The following NRXN3 variants were observed in gnomAD, a reference collection of about 807,000 sequenced individuals.
NRXN3 encodes the protein neurexin III.
A neutral mutation model predicts 137.6 loss-of-function variants in NRXN3; 32 were observed. The observed-to-expected ratio is 0.23, with a 90% CI of 0.18 to 0.31. NRXN3 has a LOEUF of 0.31. NRXN3 is among the 10% of genes least tolerant of loss of function. The pLI is 1.00. For synonymous variants in NRXN3, 798 were observed against 784.5 expected, an observed-to-expected ratio of 1.02 and a Z score of -0.29; for missense variants, 1,574 against 2,062.5, an observed-to-expected ratio of 0.76 and a Z score of 4.59.
chr14:79,203,819 G>A (rs1475369513), intron 15 of NRXN3, among the ~76,000 whole-genome samples: 1 of 152,144 alleles, frequency 6.6e-6, no homozygotes, highest in East Asian at 1.9e-4. Context: ...CAGATAGTAG[G>A]TGCTTAATTA....
intron 16 of NRXN3, among the ~76,000 whole-genome samples, chr14:79,588,342 A>G (rs1030126): frequency 0.13 from 19,556 of 152,234 alleles, 1,422 homozygotes; most frequent in South Asian, 0.23. Context: ...TTGTTTATGC[A>G]TAACTGGTCC....
At chr14:79,479,294 T>C (rs1255572514) in intron 16 of NRXN3, among the ~76,000 whole-genome samples, 2 of 152,120 alleles carry the variant, frequency 1.3e-5, no homozygotes, top group Non-Finnish European at 2.9e-5. Context: ...GTCCAGGCAG[T>C]ATGTTAGCCA....
chr14:79,703,453 T>A (rs2098763345), intron 19 of NRXN3, among the ~76,000 whole-genome samples: 1 of 152,030 alleles, frequency 6.6e-6, no homozygotes, highest in African/African-American at 2.4e-5. Flanking sequence ...GACTCCAGGT[T>A]TTTCCAGTTG....
chr14:78,993,230 G>A (rs1410109565), intron 15 of NRXN3, among the ~76,000 whole-genome samples: 1 of 152,010 alleles, frequency 6.6e-6, no homozygotes, highest in Non-Finnish European at 1.5e-5. Flanking sequence ...ATGTAGGTTG[G>A]TGTATTGATT....
intron 19 of NRXN3, among the ~76,000 whole-genome samples, chr14:79,768,520 C>T (rs1486211747): frequency 2.6e-5 from 4 of 152,268 alleles, no homozygotes; most frequent in African/African-American, 7.2e-5. Context: ...CAGACTGACA[C>T]CTCACATGGC....
intron 8 of NRXN3, among the ~76,000 whole-genome samples, chr14:78,773,675 C>T (rs1484886746): frequency 6.6e-6 from 1 of 152,052 alleles, no homozygotes; most frequent in Non-Finnish European, 1.5e-5. Flanking sequence ...AATTATTGCT[C>T]GACACCCTTC....
At chr14:78,238,645 A>G (rs2066666709) in intron 1 of NRXN3, among the ~76,000 whole-genome samples, 1 of 152,272 alleles carries the variant, frequency 6.6e-6, no homozygotes, top group Admixed American at 6.5e-5. Flanking sequence ...GTAGGAAAGA[A>G]TGTGGATAGA....
intron 15 of NRXN3, among the ~76,000 whole-genome samples, chr14:79,399,920 T>C (rs777696090): frequency 3.5e-4 from 53 of 152,262 alleles, no homozygotes; most frequent in Middle Eastern, 3.4e-3. Flanking sequence ...TTCTGGGCTT[T>C]CCTTGGCTTT....
intron 17 of NRXN3, among the ~76,000 whole-genome samples, chr14:79,670,000 C>T (rs561181013): frequency 1.2e-4 from 18 of 152,112 alleles, no homozygotes; most frequent in African/African-American, 3.1e-4. Context: ...ATGTGGTAGC[C>T]GCCAACCATA....
rs547087596 is a variant in NRXN3 at position 79,784,433 on chromosome 14, C to T, written c.4015-20679C>T. ...TTTTTGCATGTCTTCTTTATTTTTTCCTCCAAAGATTAAGATTGTATTTTA... is the reference window on the plus strand; with the variant it reads ...TTTTTGCATGTCTTCTTTATTTTTTTCTCCAAAGATTAAGATTGTATTTTA... On this transcript the variant is annotated intron_variant, in intron 19 of 20. Coordinates refer to ENST00000335750, the MANE Select transcript of NRXN3 (RefSeq NM_001330195.2). Among the ~76,000 whole-genome samples the T allele has an allele frequency of 7.2e-5, 11 of 152,112 alleles. 1 individual carries two copies. The South Asian group carries it at 2.3e-3, about 32-fold the overall frequency.
intron 15 of NRXN3, among the ~76,000 whole-genome samples, chr14:79,303,054 G>T (rs1259056746): frequency 2.0e-5 from 3 of 152,030 alleles, no homozygotes; most frequent in East Asian, 1.9e-4. Context: ...GCTCAGGGAG[G>T]TTAAGTAACT....
rs180739941 is a variant in NRXN3, at chr14:79,507,384, C to G, written c.3444+39982C>G. 2.6e-5 allele frequency among the ~76,000 whole-genome samples: 4 copies of G among 152,258 alleles called. No individual in the cohort carries two copies. The East Asian group carries it at 7.7e-4, about 29-fold the overall frequency. ...AACTCTCTGTACTATTTTGCAACTT[C>G]TATGTGTCTAAAATTATTTTAAAAT... On this transcript the variant is annotated intron_variant, in intron 16 of 20. Coordinates refer to ENST00000335750, the MANE Select transcript of NRXN3 (RefSeq NM_001330195.2).
intron 15 of NRXN3, among the ~76,000 whole-genome samples, chr14:79,293,465 C>T (rs931796215): frequency 1.3e-5 from 2 of 152,216 alleles, no homozygotes; most frequent in African/African-American, 4.8e-5. Flanking sequence ...GAATAGTTTT[C>T]CCAAATCACA....
chr14:78,456,717 T>C (rs193207862), intron 4 of NRXN3, among the ~76,000 whole-genome samples: 97 of 152,268 alleles, frequency 6.4e-4, no homozygotes, highest in Non-Finnish European at 1.2e-3. Flanking sequence ...CTGCTATTAC[T>C]GACTGGCTTA....
At chr14:79,581,135 C>T (rs2097712495) in intron 16 of NRXN3, among the ~76,000 whole-genome samples, 1 of 152,112 alleles carries the variant, frequency 6.6e-6, no homozygotes, top group Non-Finnish European at 1.5e-5. Flanking sequence ...ATCAGCTCAA[C>T]TCTAGAGGCA....
intron 4 of NRXN3, among the ~76,000 whole-genome samples, chr14:78,544,785 G>A (rs910072899): frequency 2.6e-5 from 4 of 152,148 alleles, no homozygotes; most frequent in African/African-American, 4.8e-5. Flanking sequence ...AATCTTCTTG[G>A]GAGGGTACAC....
chr14:78,354,668 C>T (rs547400392), intron 4 of NRXN3, among the ~76,000 whole-genome samples: 5 of 152,308 alleles, frequency 3.3e-5, no homozygotes, highest in East Asian at 1.9e-4. Flanking sequence ...GAAGAGCTTA[C>T]ATCACCTTTT....
Position 79,407,962 on chromosome 14 carries a change from A to G in NRXN3, c.3263-59259A>G, listed in dbSNP as rs117055980. Among the ~76,000 whole-genome samples the G allele has an allele frequency of 7.9e-4, 120 of 152,272 alleles. 2 individuals carry two copies. In the East Asian group the frequency reaches 0.021, roughly 27 times the overall value. On this transcript the variant is annotated intron_variant, in intron 15 of 20. Coordinates refer to ENST00000335750, the MANE Select transcript of NRXN3 (RefSeq NM_001330195.2). The stretch of plus-strand genomic sequence containing the variant: ...TTGGAGGGAAGTTGAATATTGGTTC[A>G]TATCTTGTTTTAGGTTCTGGTTTAC...
intron 15 of NRXN3, among the ~76,000 whole-genome samples, chr14:79,278,345 G>A (rs2080642856): frequency 6.6e-6 from 1 of 152,134 alleles, no homozygotes. Flanking sequence ...AGACATACTG[G>A]AGGGGTGGAT....
Sources: gnomAD v4.1 joint callset for allele counts (sites outside exome capture counted in the v4.1 genomes callset) on GRCh38, gnomAD v4.1.1 for gene constraint, MANE v1.5 for transcripts, NCBI Gene and HGNC (gene_info 2026-07-23, HGNC 2026-07-21) for gene names.